The following MXRA7 variants were observed in gnomAD, a reference collection of about 807,000 sequenced individuals.
MXRA7 encodes the protein matrix-remodeling-associated protein 7.
Under a neutral mutation model 17.4 loss-of-function variants are expected in MXRA7, and 18 were observed. That is an observed-to-expected ratio of 1.03 (90% confidence interval 0.71 to 1.53). The LOEUF (loss-of-function observed/expected upper bound fraction) is 1.53. Ranked by LOEUF, MXRA7 falls within the 40% of genes most tolerant of loss-of-function variation. The probability of loss-of-function intolerance (pLI) is 0.00; values close to 1 mark genes in which losing one functional copy is unlikely to be tolerated. For synonymous variants in MXRA7, 70 were observed against 101.7 expected, an observed-to-expected ratio of 0.69 and a Z score of 1.87; for missense variants, 141 against 209.3, an observed-to-expected ratio of 0.67 and a Z score of 2.01.
intron 1 of MXRA7, among the ~76,000 whole-genome samples, chr17:76,707,970 T>A (rs941400106): frequency 3.9e-5 from 6 of 152,228 alleles, no homozygotes; most frequent in Admixed American, 2.0e-4. Flanking sequence ...GTTCTAGCAG[T>A]ATCATTCCGC....
intron 3 of MXRA7, among the ~76,000 whole-genome samples, chr17:76,684,844 T>C (rs2076364720): frequency 6.6e-6 from 1 of 152,100 alleles, no homozygotes; most frequent in Non-Finnish European, 1.5e-5. Context: ...ACCAGTGGCC[T>C]CCTTCTGGTC....
chr17:76,696,043 C>T (rs982765839), intron 1 of MXRA7, among the ~76,000 whole-genome samples: 2 of 151,680 alleles, frequency 1.3e-5, no homozygotes, highest in Non-Finnish European at 2.9e-5. Context: ...TGCAGTAAGC[C>T]GAGATCGCAC....
At chr17:76,687,273 C>A (rs986306929) in intron 2 of MXRA7, among the ~76,000 whole-genome samples, 1 of 152,232 alleles carries the variant, frequency 6.6e-6, no homozygotes, top group Non-Finnish European at 1.5e-5. Flanking sequence ...GGCACTGCCT[C>A]AGGGGAAGCT....
chr17:76,689,795 T>C (rs923173937), intron 1 of MXRA7: 2 of 152,000 alleles, frequency 1.3e-5, no homozygotes, highest in Non-Finnish European at 2.9e-5. Flanking sequence ...TCAGCTGAGG[T>C]TGGGAATTCG....
At chr17:76,700,219 G>A (rs1489249675) in intron 1 of MXRA7, among the ~76,000 whole-genome samples, 5 of 152,132 alleles carry the variant, frequency 3.3e-5, no homozygotes, top group African/African-American at 9.7e-5. Flanking sequence ...TGATCTGCTC[G>A]CCTCAGCCTC....
Position 76,700,306 on chromosome 17 carries a change from C to T in MXRA7, c.342+10299G>A, listed in dbSNP as rs542026491. Among the ~76,000 whole-genome samples, 6 of 152,252 alleles carry T rather than the reference C, an allele frequency of 3.9e-5. No individual in the cohort carries two copies. The South Asian group carries it at 1.2e-3, about 32-fold the overall frequency. On this transcript the variant is annotated intron_variant, in intron 1 of 3. Coordinates refer to ENST00000449428, the MANE Select transcript of MXRA7 (RefSeq NM_198530.4). Reference sequence around the variant, plus strand: ...TGTTTTAGAAAATGTTAGAAAACCACTGATCTAGTGTGGCTTCCGCCTAAG... The same window carrying T: ...TGTTTTAGAAAATGTTAGAAAACCATTGATCTAGTGTGGCTTCCGCCTAAG...
Position 76,697,665 on chromosome 17 carries a change from C to T in MXRA7, c.343-9489G>A, listed in dbSNP as rs140729223. On this transcript the variant is annotated intron_variant, in intron 1 of 3. Transcript: ENST00000449428. ...TTCCCTCCAATGGAGGAGGTGGAGG[C>T]GGGAGGGGGAAGGCAAACGGGACGT... Among the ~76,000 whole-genome samples the T allele has an allele frequency of 4.6e-5, 7 of 152,256 alleles. No homozygotes were observed. The East Asian group carries it at 1.2e-3, about 25-fold the overall frequency.
intron 1 of MXRA7, among the ~76,000 whole-genome samples, chr17:76,699,341 T>G (rs2076568488): frequency 6.6e-6 from 1 of 152,004 alleles, no homozygotes; most frequent in Admixed American, 6.6e-5. Flanking sequence ...AGATTGGGTC[T>G]CACTATGTTG....
intron 2 of MXRA7, among the ~76,000 whole-genome samples, chr17:76,686,271 G>C (rs955338534): frequency 2.0e-5 from 3 of 152,196 alleles, no homozygotes; most frequent in Admixed American, 6.5e-5. Context: ...TTGAGGCCAG[G>C]AGTTCGAGAC....
downstream of MXRA7, chr17:76,677,702 T>C: frequency 6.2e-7 from 1 of 1,611,084 alleles, no homozygotes; most frequent in Non-Finnish European, 8.5e-7. Flanking sequence ...CCTTCTGAAC[T>C]CTGTCGAGAA....
At chr17:76,679,287 C>CAAA (rs71158050), downstream of MXRA7, among the ~76,000 whole-genome samples, 23 of 121,652 alleles carry the variant, frequency 1.9e-4, no homozygotes, top group Admixed American at 7.3e-4. Flanking sequence ...GGCCCTGTCT[C>CAAA]AAAAAAAAAA....
chr17:76,706,206 G>GCCGTCACAGAGGCCCACT (rs2076654701), intron 1 of MXRA7, among the ~76,000 whole-genome samples: 1 of 113,402 alleles, frequency 8.8e-6, no homozygotes, highest in African/African-American at 3.3e-5. Context: ...AGAGGCCCAC[G>GCCGTCACAGAGGCCCACT]CTGCCATCAC....
intron 2 of MXRA7, among the ~76,000 whole-genome samples, chr17:76,686,544 T>C (rs1306642478): frequency 6.6e-6 from 1 of 152,124 alleles, no homozygotes; most frequent in Non-Finnish European, 1.5e-5. Context: ...TAGGTTTCAA[T>C]TTATGGGGCA....
intron 1 of MXRA7, among the ~76,000 whole-genome samples, chr17:76,699,768 C>A (rs949758941): frequency 1.2e-4 from 19 of 152,252 alleles, no homozygotes; most frequent in African/African-American, 4.1e-4. Context: ...AGGGGTCCCC[C>A]AGGGTCATAG....
Position 76,680,629 on chromosome 17 carries a change from A to G in MXRA7, c.*238T>C, listed in dbSNP as rs1237351683. On this transcript the variant is annotated 3_prime_UTR_variant, in exon 4 of 4. Transcript: ENST00000449428. ...CCTCTTAAAACTCTTCAGCTTAACA[A>G]AGTGACCCACAGGAACAGACATGAA... 1.8e-5 allele frequency: 24 copies of G among 1,310,040 alleles called. No individual in the cohort carries two copies. The highest frequency in any genetic ancestry group is 3.1e-5 in the East Asian group (1 of 32,736). 81.2% of individuals were successfully genotyped at this position (1,310,040 alleles called of 1,614,324 possible).
intron 3 of MXRA7, chr17:76,683,726 T>C (rs1318223719): frequency 7.2e-6 from 5 of 689,982 alleles, no homozygotes; most frequent in East Asian, 5.4e-5. Context: ...AGGTGGGAAA[T>C]GTATTAATCG....
At position 76,681,771 on chromosome 17, in the gene MXRA7, C is replaced by A. The variant is rs2076306987; in HGVS notation, c.501-892G>T. Among the ~76,000 whole-genome samples, 1 of 152,194 alleles carries A rather than the reference C, an allele frequency of 6.6e-6. No individual in the cohort carries two copies. The highest frequency in any genetic ancestry group is 6.5e-5 in the Admixed American group (1 of 15,278). On this transcript the variant is annotated intron_variant, in intron 3 of 3. Coordinates refer to ENST00000449428, the MANE Select transcript of MXRA7 (RefSeq NM_198530.4). The surrounding 1 kb of genome is among the most constrained non-coding windows in gnomAD (Gnocchi z 4.7). ...CAGCCGCGCCTGTTCTTTCTCCTGC[C>A]AAGCTGTGAAGCCAGCCAAGCCCTG...
intron 1 of MXRA7, chr17:76,710,050 TTC>T (rs1466996877): frequency 3.9e-5 from 6 of 152,314 alleles, no homozygotes; most frequent in African/African-American, 1.4e-4. Flanking sequence ...CGGGTGCCTT[TTC>T]TTTCAGTCCC....
chr17:76,700,626 G>A (rs372752756), intron 1 of MXRA7, among the ~76,000 whole-genome samples: 2 of 152,224 alleles, frequency 1.3e-5, no homozygotes, highest in Admixed American at 6.5e-5. Flanking sequence ...GCATTGTGGC[G>A]TATTTATTCA....
Sources: allele counts gnomAD v4.1 joint callset (sites outside exome capture counted in the v4.1 genomes callset), GRCh38; gene constraint gnomAD v4.1.1; non-coding constraint Gnocchi (gnomAD v3.1); transcripts MANE v1.5; gene names NCBI Gene and HGNC (gene_info 2026-07-23, HGNC 2026-07-21).